CPS1: variants seen among roughly 807,000 people sequenced by gnomAD.
The protein encoded by CPS1 is carbamoyl-phosphate synthase 1.
CPS1 carries 109 observed loss-of-function variants against 174.6 expected under a neutral mutation model. The observed-to-expected ratio is 0.62, with a 90% CI of 0.53 to 0.73. The LOEUF (loss-of-function observed/expected upper bound fraction) is 0.73, where lower values mean the gene tolerates loss of function less well. Ranked by LOEUF, CPS1 falls within the 30% of genes least tolerant of loss-of-function variation. CPS1 has a pLI of 0.00. For missense variants in CPS1, 1,689 were observed against 1,821.9 expected, an observed-to-expected ratio of 0.93 and a Z score of 1.33; for synonymous variants, 637 against 632.0, an observed-to-expected ratio of 1.01 and a Z score of -0.12.
At chr2:210,579,568 A>C in intron 4 of CPS1, 146 bp from the exon 5 acceptor site, 1 of 700,874 alleles carries the variant, frequency 1.4e-6, no homozygotes, top group African/African-American at 1.7e-5. Flanking sequence ...TTCTGACAAT[A>C]CAGTCACCCT....
intron 1 of CPS1, among the ~76,000 whole-genome samples, chr2:210,522,746 C>A (rs1292885216): frequency 1.3e-5 from 2 of 151,900 alleles, no homozygotes. Flanking sequence ...AAAGAGCATA[C>A]CACCATCTTG....
At chr2:210,535,461 C>G (rs1696222500) in intron 1 of CPS1, among the ~76,000 whole-genome samples, 1 of 152,150 alleles carries the variant, frequency 6.6e-6, no homozygotes, top group Admixed American at 6.5e-5. Context: ...AAGTTTTATA[C>G]TATAAATGCT....
At position 210,678,084 on chromosome 2, in the gene CPS1, A is replaced by G. The variant is rs768251900; in HGVS notation, c.*99A>G. 5 of 922,776 alleles carry G rather than the reference A, an allele frequency of 5.4e-6. No homozygotes were observed. In the Admixed American group the frequency reaches 6.8e-5, roughly 13 times the overall value. The allele number at this position is 922,776 out of a possible 1,614,324, so 57.2% of individuals were successfully genotyped here. A position where few individuals can be genotyped will look rare whatever the true frequency, so the allele number is the denominator to read the frequency against. The stretch of plus-strand genomic sequence containing the variant: ...TTCTCAGAGATGAATATTGATAACT[A>G]AACTTCATTTCAGTTTACTTTGTTA... On this transcript the variant is annotated 3_prime_UTR_variant, in exon 38 of 38. Coordinates refer to ENST00000233072, the MANE Select transcript of CPS1 (RefSeq NM_001875.5).
chr2:210,558,494 T>C (rs1470700546), intron 1 of CPS1, among the ~76,000 whole-genome samples: 2 of 152,044 alleles, frequency 1.3e-5, no homozygotes, highest in African/African-American at 4.8e-5. Flanking sequence ...AAGGTACTCA[T>C]GTATCAGTTC....
intron 8 of CPS1, among the ~76,000 whole-genome samples, chr2:210,590,556 C>G (rs980756199): frequency 2.6e-5 from 4 of 151,892 alleles, no homozygotes; most frequent in Non-Finnish European, 2.9e-5. Flanking sequence ...CCTTGGGACC[C>G]ATAAGACCTG....
intron 14 of CPS1, 39 bp from the exon 15 acceptor site, chr2:210,600,516 C>T: frequency 1.2e-6 from 2 of 1,605,522 alleles, no homozygotes; most frequent in East Asian, 4.5e-5. Context: ...GCACAAAATT[C>T]AAGATTTTAA....
At chr2:210,580,795 A>C (rs552079959) in intron 5 of CPS1, among the ~76,000 whole-genome samples, 2 of 150,330 alleles carry the variant, frequency 1.3e-5, no homozygotes, top group South Asian at 2.1e-4. Flanking sequence ...CGGGAGGCGG[A>C]GGTTGCAGTG....
intron 1 of CPS1, among the ~76,000 whole-genome samples, chr2:210,497,900 A>G (rs1223727735): frequency 7.4e-6 from 1 of 134,648 alleles, no homozygotes; most frequent in Non-Finnish European, 1.6e-5. Context: ...ATACATATAT[A>G]TATATATATA....
chr2:210,619,893 A>G (rs958916788), intron 21 of CPS1: 2 of 148,136 alleles, frequency 1.4e-5, no homozygotes, highest in African/African-American at 4.9e-5. Context: ...ATACCCACGC[A>G]TGGACACAGG....
At chr2:210,537,246 A>G (rs1696279984) in intron 1 of CPS1, among the ~76,000 whole-genome samples, 1 of 152,230 alleles carries the variant, frequency 6.6e-6, no homozygotes. Context: ...GAGAAGGGCT[A>G]GTGAAAATAA....
intron 1 of CPS1, among the ~76,000 whole-genome samples, chr2:210,510,799 A>C (rs1200370217): frequency 6.6e-6 from 1 of 152,248 alleles, no homozygotes; most frequent in Non-Finnish European, 1.5e-5. Context: ...ATCACTGGCC[A>C]TCAGAGAAAT....
At chr2:210,573,160 C>A in intron 1 of CPS1, 138 bp from the exon 2 acceptor site, 3 of 755,486 alleles carry the variant, frequency 4.0e-6, no homozygotes, top group Non-Finnish European at 7.0e-6. Context: ...AATAGGAAAG[C>A]AACTGGAAAT....
chr2:210,559,180 G>A (rs1697018842), intron 1 of CPS1, among the ~76,000 whole-genome samples: 1 of 152,036 alleles, frequency 6.6e-6, no homozygotes, highest in African/African-American at 2.4e-5. Flanking sequence ...AAATCATTAG[G>A]ATGTAGTTAC....
At chr2:210,665,280 T>A (rs970455890) in intron 33 of CPS1, among the ~76,000 whole-genome samples, 2 of 152,180 alleles carry the variant, frequency 1.3e-5, no homozygotes, top group African/African-American at 4.8e-5. Flanking sequence ...GTAATTTGCT[T>A]AAGAAATGAA....
intron 25 of CPS1, among the ~76,000 whole-genome samples, chr2:210,646,832 G>T (rs1198901530): frequency 6.6e-6 from 1 of 152,076 alleles, no homozygotes; most frequent in African/African-American, 2.4e-5. Flanking sequence ...ACCAAGTTAG[G>T]AAGGGACTTC....
chr2:210,648,022 G>T lies in CPS1; in HGVS notation c.3301G>T (p.Val1101Leu). The T allele has an allele frequency of 6.2e-7, 1 of 1,614,058 alleles. No individual in the cohort carries two copies. The highest frequency in any genetic ancestry group is 8.5e-7 in the Non-Finnish European group (1 of 1,179,934). The change falls in exon 26 of 38, where the codon GTG (valine) becomes TTG (leucine). Residue 1101 changes from valine to leucine, a missense_variant. Coordinates refer to ENST00000233072, the MANE Select transcript of CPS1 (RefSeq NM_001875.5). ...CTCAGCTGTCTTGGATGAGCTGAAGGTGGCTCAGGCACCTTGGAAAGCTGT... is the reference window on the plus strand; with the variant it reads ...CTCAGCTGTCTTGGATGAGCTGAAGTTGGCTCAGGCACCTTGGAAAGCTGT... The part of the protein sequence containing the change: ...IFSAVLDELK[V>L]AQAPWKAVNT...
chr2:210,478,431 A>G (rs1232598165), intron 1 of CPS1, among the ~76,000 whole-genome samples: 1 of 151,828 alleles, frequency 6.6e-6, no homozygotes, highest in Non-Finnish European at 1.5e-5. Context: ...CTGTTCCTTT[A>G]TTTATTTTTC....
upstream of CPS1, among the ~76,000 whole-genome samples, chr2:210,552,887 T>C: frequency 6.6e-6 from 1 of 152,044 alleles, no homozygotes; most frequent in East Asian, 1.9e-4. Context: ...TCACCAGTGA[T>C]TTAAAATAGA....
intron 13 of CPS1, among the ~76,000 whole-genome samples, chr2:210,599,131 C>T (rs1451605625): frequency 6.6e-6 from 1 of 151,788 alleles, no homozygotes; most frequent in Non-Finnish European, 1.5e-5. Context: ...TGGCAAAGAT[C>T]ACCTCATGGC....
Sources: allele counts gnomAD v4.1 joint callset (sites outside exome capture counted in the v4.1 genomes callset), GRCh38; gene constraint gnomAD v4.1.1; transcripts MANE v1.5; gene names NCBI Gene and HGNC (gene_info 2026-07-23, HGNC 2026-07-21).